THOP1: variants seen among roughly 807,000 people sequenced by gnomAD.
THOP1 encodes thimet oligopeptidase 1.
THOP1 carries 49 observed loss-of-function variants against 71.8 expected under a neutral mutation model. The observed-to-expected ratio is 0.68, with a 90% CI of 0.54 to 0.87. The LOEUF (loss-of-function observed/expected upper bound fraction) is 0.87, where lower values mean the gene tolerates loss of function less well. Ranked by LOEUF, THOP1 falls within the 40% of genes least tolerant of loss-of-function variation. THOP1 has a pLI of 0.00. For missense variants in THOP1, 843 were observed against 975.6 expected (o/e 0.86, Z 1.81); for synonymous variants, 426 against 421.5 (o/e 1.01, Z -0.13).
intron 3 of THOP1, 47 bp from the exon 4 acceptor site, chr19:2,796,034 C>T (rs762852817): frequency 8.1e-6 from 12 of 1,487,492 alleles, no homozygotes; most frequent in Admixed American, 5.1e-5. Context: ...CTCTTTGGAG[C>T]GGCTGCACTG....
Position 2,786,108 on chromosome 19 carries a change from TG to T in THOP1, c.16+436del, listed in dbSNP as rs368430442. Among the ~76,000 whole-genome samples the T allele has an allele frequency of 8.5e-3, 1,292 of 151,528 alleles. 21 individuals carry two copies. Among genetic ancestry groups the T allele is most frequent in the African/African-American group, 0.03 (1,239 of 41,012 alleles). On this transcript the variant is annotated intron_variant, in intron 1 of 12. Coordinates refer to ENST00000307741, the MANE Select transcript of THOP1 (RefSeq NM_003249.5). ...ACGTTTTTAGAGAGAGGGTGGTTCCTGGGGGGCTTTTCTGAAGAGGTGAGCG... is the reference window on the plus strand; with the variant it reads ...ACGTTTTTAGAGAGAGGGTGGTTCCTGGGGGCTTTTCTGAAGAGGTGAGCG...
Position 2,805,200 on chromosome 19 carries a change from C to G in THOP1, c.750+24C>G. 1 of 1,601,170 alleles carries G rather than the reference C, an allele frequency of 6.2e-7. No individual in the cohort carries two copies. Among genetic ancestry groups the G allele is most frequent in the South Asian group, 1.1e-5 (1 of 89,126 alleles). On this transcript the variant is annotated intron_variant, in intron 6 of 12. Coordinates refer to ENST00000307741, the MANE Select transcript of THOP1 (RefSeq NM_003249.5). The surrounding 1 kb of genome is among the most constrained non-coding windows in gnomAD (Gnocchi z 6.6). Reference sequence around the variant, plus strand: ...AGGTGAGAAGGCACGGCCAGGGGGCCCCAGAACAGTGGGTCTGGAGCTTGT... The same window carrying G: ...AGGTGAGAAGGCACGGCCAGGGGGCGCCAGAACAGTGGGTCTGGAGCTTGT...
chr19:2,806,744 A>G, intron 6 of THOP1, 173 bp from the exon 7 acceptor site: 7 of 1,141,326 alleles, frequency 6.1e-6, no homozygotes, highest in East Asian at 5.0e-5. Flanking sequence ...TGGGATTATG[A>G]TAACGCTGGT....
At chr19:2,789,235 G>A (rs1157816726) in intron 1 of THOP1, among the ~76,000 whole-genome samples, 1 of 152,022 alleles carries the variant, frequency 6.6e-6, no homozygotes, top group Non-Finnish European at 1.5e-5. Flanking sequence ...AGAACTGTTT[G>A]CTGGCCCCCT....
In THOP1 at chr19:2,810,530, G is replaced by A. The variant is rs1411866621; in HGVS notation, c.1642+40G>A. 5.2e-6 allele frequency: 8 copies of A among 1,532,076 alleles called. No homozygotes were observed. In the Admixed American group the frequency reaches 1.4e-4, roughly 27 times the overall value. 94.9% of individuals were successfully genotyped at this position (1,532,076 alleles called of 1,614,324 possible). ...TCCGGGGAAGGGTGCTAACCTCGGG[G>A]GGCGGCACACAGCTGGGGCCTGGCA... On this transcript the variant is annotated intron_variant, in intron 10 of 12. Coordinates refer to ENST00000307741, the MANE Select transcript of THOP1 (RefSeq NM_003249.5).
intron 2 of THOP1, among the ~76,000 whole-genome samples, chr19:2,794,180 A>C (rs753809275): frequency 6.6e-6 from 1 of 151,478 alleles, no homozygotes; most frequent in Admixed American, 6.6e-5. Context: ...ACGCCTGGCT[A>C]ATTTTTGTAT....
At position 2,806,992 on chromosome 19, in the gene THOP1, G is replaced by A. The variant is rs746532359; in HGVS notation, c.826G>A (p.Ala276Thr). ...CCGCCTGCTGGGGTTCCACACGCAC[G>A]CCGACTATGTCCTGGAGATGAACAT... ...KSRLLGFHTH[A>T]DYVLEMNMAK... The change falls in exon 7 of 13, where the codon GCC becomes ACC. Residue 276 changes from alanine (A) to threonine (T), a missense_variant. Transcript: ENST00000307741. The A allele has an allele frequency of 4.2e-5, 67 of 1,612,894 alleles. No individual in the cohort carries two copies. The highest frequency in any genetic ancestry group is 5.3e-5 in the Non-Finnish European group (63 of 1,179,846).
chr19:2,790,284 C>A (rs1004352000), intron 1 of THOP1, 137 bp from the exon 2 acceptor site: 3 of 777,574 alleles, frequency 3.9e-6, no homozygotes, highest in African/African-American at 3.5e-5. Context: ...TCAGTCTGTG[C>A]TTCCCTACAA....
rs562570312 is a variant in THOP1 at position 2,799,605 on chromosome 19, G to A, written c.487-84G>A. ...TTCTTGGGGAAATCCCTCAGCCCTCGGCGAGAGGGTTCCCAGGCGTTGCGT... is the reference window on the plus strand; with the variant it reads ...TTCTTGGGGAAATCCCTCAGCCCTCAGCGAGAGGGTTCCCAGGCGTTGCGT... On this transcript the variant is annotated intron_variant, in intron 4 of 12. Transcript: ENST00000307741. 605 of 1,117,388 alleles carry A rather than the reference G, an allele frequency of 5.4e-4. 1 individual carries two copies. The highest frequency in any genetic ancestry group is 7.1e-4 in the Non-Finnish European group (534 of 750,118). The allele number at this position is 1,117,388 out of a possible 1,614,324, so 69.2% of individuals were successfully genotyped here. A position where few individuals can be genotyped will look rare whatever the true frequency, so the allele number is the denominator to read the frequency against.
rs188755166 is a variant in THOP1, at chr19:2,795,204, C to T, written c.378+292C>T. ...CAAACTCCTGACCTCAGGTGATCCG[C>T]CCGCCTTGGCCTCCCAAAGTGCTGG... is the stretch of plus-strand genomic sequence containing the variant. On this transcript the variant is annotated intron_variant, in intron 3 of 12. Coordinates refer to ENST00000307741, the MANE Select transcript of THOP1 (RefSeq NM_003249.5). Among the ~76,000 whole-genome samples, 471 of 152,358 alleles carry T rather than the reference C, an allele frequency of 3.1e-3. 2 individuals are homozygous for T. The highest frequency in any genetic ancestry group is 0.011 in the African/African-American group (441 of 41,576).
intron 9 of THOP1, 25 bp downstream of exon 9, chr19:2,808,469 A>G: frequency 1.3e-6 from 2 of 1,526,962 alleles, no homozygotes; most frequent in African/African-American, 2.9e-5. Context: ...GGGCAGGGGC[A>G]GGGGCAGGGG....
intron 2 of THOP1, among the ~76,000 whole-genome samples, chr19:2,793,189 A>G (rs1243231431): frequency 6.6e-6 from 1 of 151,756 alleles, no homozygotes; most frequent in Non-Finnish European, 1.5e-5. Flanking sequence ...CAAACAAACA[A>G]AAAAAAACCC....
rs372729243 is a variant in THOP1 at position 2,811,703 on chromosome 19, G to T, written c.1877G>T (p.Arg626Leu). The T allele has an allele frequency of 3.1e-6, 5 of 1,613,160 alleles. No individual in the cohort carries two copies. Among genetic ancestry groups the T allele is most frequent in the Non-Finnish European group, 4.2e-6 (5 of 1,179,868 alleles). Residue 626 changes from arginine (R) to leucine (L), a missense_variant, in exon 12 of 13, where the codon CGC becomes CTC. Arg to Leu is a moderately radical substitution (Grantham distance 102). Transcript: ENST00000307741. ...TATTCCATGGACATGTTCCACACGC[G>T]CTTCAAGCAGGAGGGTGTCCTGAAC... Reference protein sequence around the residue: ...EVYSMDMFHTRFKQEGVLNSK... With the variant: ...EVYSMDMFHTLFKQEGVLNSK...
At chr19:2,806,507 T>G (rs534689901) in intron 6 of THOP1, 10 of 236,542 alleles carry the variant, frequency 4.2e-5, no homozygotes, top group East Asian at 1.5e-4. Flanking sequence ...CCACCCCCAC[T>G]GGCTTGGTTG....
intron 9 of THOP1, chr19:2,809,891 A>T (rs1916411461): frequency 5.3e-6 from 1 of 189,136 alleles, no homozygotes; most frequent in Non-Finnish European, 1.1e-5. Context: ...TTCCAGCGGG[A>T]CTCAGTCAAG....
Position 2,807,461 on chromosome 19 carries a change from G to A in THOP1, c.906G>A (p.Leu302=), listed in dbSNP as rs1916323555. 1 of 1,596,222 alleles carries A rather than the reference G, an allele frequency of 6.3e-7. No homozygotes were observed. The highest frequency in any genetic ancestry group is 8.6e-7 in the Non-Finnish European group (1 of 1,169,062). ...ATFLDELAQK[L]KPLGEQERAV... ...CCGCAGATGAGCTGGCGCAGAAGCT[G>A]AAGCCCCTGGGGGAGCAGGAGCGTG... The change falls in exon 8 of 13, where the codon CTG becomes CTA. Residue 302 remains leucine, a synonymous_variant. Transcript: ENST00000307741.
chr19:2,789,124 AT>A (rs955516086), intron 1 of THOP1, among the ~76,000 whole-genome samples: 1 of 152,170 alleles, frequency 6.6e-6, no homozygotes, highest in Non-Finnish European at 1.5e-5. Context: ...CAGAAACCAT[AT>A]GTGGCCCACA....
chr19:2,791,642 C>G (rs1017142971), intron 2 of THOP1, among the ~76,000 whole-genome samples: 3 of 152,202 alleles, frequency 2.0e-5, no homozygotes, highest in Admixed American at 1.3e-4. Context: ...CGTGGTGGCC[C>G]CTTGTCCCTC....
At position 2,794,821 on chromosome 19, in the gene THOP1, C is replaced by G. The variant is rs200331113; in HGVS notation, c.287C>G (p.Thr96Arg). The G allele has an allele frequency of 6.2e-7, 1 of 1,614,048 alleles. No individual in the cohort carries two copies. Among genetic ancestry groups the G allele is most frequent in the African/African-American group, 1.3e-5 (1 of 75,036 alleles). Reference protein sequence around the residue: ...QHVSPSKDIRTASTEADKKLS... With the variant: ...QHVSPSKDIRRASTEADKKLS... ...GTTTCCCCCTCCAAGGACATCCGGA[C>G]AGCCAGCACAGAGGCCGACAAGAAG... is the stretch of plus-strand genomic sequence containing the variant. The change falls in exon 3 of 13, where the codon ACA becomes AGA. Residue 96 changes from threonine (T) to arginine (R), a missense_variant. Physicochemically the swap from Thr to Arg is moderately conservative, Grantham distance 71 (BLOSUM62 -1). Transcript: ENST00000307741.
Sources: allele counts gnomAD v4.1 joint callset (sites outside exome capture counted in the v4.1 genomes callset), GRCh38; gene constraint gnomAD v4.1.1; non-coding constraint Gnocchi (gnomAD v3.1); transcripts MANE v1.5; gene names NCBI Gene and HGNC (gene_info 2026-07-23, HGNC 2026-07-21).